The following JPH1 variants were observed in gnomAD, a reference collection of about 807,000 sequenced individuals.
JPH1 encodes junctophilin 1.
A neutral mutation model predicts 53.6 loss-of-function variants in JPH1; 12 were observed. The ratio of observed to expected loss-of-function variants is 0.22; its 90% CI spans 0.14 to 0.36. The LOEUF (loss-of-function observed/expected upper bound fraction) is 0.36, where lower values mean the gene tolerates loss of function less well. Ranked by LOEUF, JPH1 falls within the 10% of genes least tolerant of loss-of-function variation. The probability of loss-of-function intolerance (pLI) is 1.00; values close to 1 mark genes in which losing one functional copy is unlikely to be tolerated. For synonymous variants in JPH1, 375 were observed against 363.8 expected, an observed-to-expected ratio of 1.03 and a Z score of -0.35; for missense variants, 808 against 905.5, an observed-to-expected ratio of 0.89 and a Z score of 1.38.
intron 2 of JPH1, 92 bp from the exon 3 acceptor site, chr8:74,259,595 A>C (rs1806334930): frequency 4.1e-6 from 4 of 969,826 alleles, no homozygotes. Context: ...AAGAAATGTT[A>C]ATTATGATTA....
chr8:74,299,622 C>T (rs1694581829), intron 2 of JPH1, among the ~76,000 whole-genome samples: 1 of 152,032 alleles, frequency 6.6e-6, no homozygotes, highest in Non-Finnish European at 1.5e-5. Flanking sequence ...GCCTGATGTG[C>T]GAATTGTTCT....
chr8:74,290,407 G>C (rs1187602949), intron 2 of JPH1, among the ~76,000 whole-genome samples: 2 of 152,002 alleles, frequency 1.3e-5, no homozygotes, highest in African/African-American at 4.8e-5. Flanking sequence ...AAAATACCTA[G>C]GAATCCAACT....
chr8:74,319,784 C>T (rs994498200), intron 1 of JPH1, among the ~76,000 whole-genome samples: 2 of 152,186 alleles, frequency 1.3e-5, no homozygotes, highest in Admixed American at 1.3e-4. Flanking sequence ...GATGTCGCCT[C>T]CTACAACCCT....
At position 74,267,451 on chromosome 8, in the gene JPH1, T is replaced by G. The variant is rs1170367802; in HGVS notation, c.1140-7948A>C. ...GAGGTAAGTGGGCCAGATCTGAATT[T>G]GCCTTATCTCTGGGGCAGCTGCATG... On this transcript the variant is annotated intron_variant, in intron 2 of 5. Coordinates refer to ENST00000342232, the MANE Select transcript of JPH1 (RefSeq NM_020647.4). Among the ~76,000 whole-genome samples the G allele has an allele frequency of 2.6e-5, 4 of 152,232 alleles. No homozygotes were observed. In the East Asian group the frequency reaches 7.7e-4, roughly 29 times the overall value.
intron 2 of JPH1, among the ~76,000 whole-genome samples, chr8:74,267,798 C>T (rs982671634): frequency 3.9e-5 from 6 of 152,132 alleles, no homozygotes; most frequent in South Asian, 2.1e-4. Context: ...CTGATCCTGT[C>T]GGAAGGTGGG....
chr8:74,245,049 G>C lies in JPH1; in HGVS notation c.1385C>G (p.Pro462Arg). Reference sequence around the variant, plus strand: ...GGGACTTGCCTCAGGAGATCTTGGGGGTGTCGTGCCTTTGCGATAAAAATG... The same window carrying C: ...GGGACTTGCCTCAGGAGATCTTGGGCGTGTCGTGCCTTTGCGATAAAAATG... The part of the protein sequence containing the change: ...SPHFYRKGTT[P>R]PRSPEASPKH... Residue 462 changes from proline to arginine, a missense_variant, in exon 4 of 6, where the codon CCC becomes CGC. Pro to Arg is a moderately radical substitution (Grantham distance 103, BLOSUM62 -2). This residue lies in a region of JPH1 where 756 missense variants were observed against 811.9 expected (regional missense o/e 0.93). Coordinates refer to ENST00000342232, the MANE Select transcript of JPH1 (RefSeq NM_020647.4). The C allele has an allele frequency of 6.2e-7, 1 of 1,613,934 alleles. No homozygotes were observed. Among genetic ancestry groups the C allele is most frequent in the Non-Finnish European group, 8.5e-7 (1 of 1,179,988 alleles).
At chr8:74,267,314 G>A (rs917546211) in intron 2 of JPH1, among the ~76,000 whole-genome samples, 2 of 152,222 alleles carry the variant, frequency 1.3e-5, no homozygotes, top group African/African-American at 4.8e-5. Flanking sequence ...GTGTCCTTGG[G>A]TGAAGGAAAC....
At chr8:74,298,447 G>A (rs1172643266) in intron 2 of JPH1, among the ~76,000 whole-genome samples, 1 of 152,128 alleles carries the variant, frequency 6.6e-6, no homozygotes, top group Non-Finnish European at 1.5e-5. Context: ...TCTACCTTGA[G>A]CACTGTAGCT....
rs1586779383 is a variant in JPH1 at position 74,315,471 on chromosome 8, G to A, written c.529C>T (p.His177Tyr). Reference sequence around the variant, plus strand: ...CTGTCGGCGGCGGCTGCGGCGTCGTGGAGCACGCTGCCATTGCTCTGCTCG... The same window carrying A: ...CTGTCGGCGGCGGCTGCGGCGTCGTAGAGCACGCTGCCATTGCTCTGCTCG... ...RSEQSNGSVL[H>Y]DAAAAADSPA... The change falls in exon 2 of 6, where the codon CAC (histidine) becomes TAC (tyrosine). Residue 177 changes from histidine to tyrosine, a missense_variant. His to Tyr is a moderately conservative substitution (Grantham distance 83). This residue lies in a region of JPH1 where 756 missense variants were observed against 811.9 expected (regional missense o/e 0.93). Transcript: ENST00000342232. This position sits in a 1 kb window ranked among gnomAD's most constrained non-coding sequence, Gnocchi z 6.3. 6.2e-7 allele frequency: 1 copy of A among 1,607,684 alleles called. No homozygotes were observed. The highest frequency in any genetic ancestry group is 2.2e-5 in the East Asian group (1 of 44,734).
chr8:74,288,483 T>C lies in JPH1; in HGVS notation c.1139+26378A>G, dbSNP rs146986757. Among the ~76,000 whole-genome samples, 72 of 152,144 alleles carry C rather than the reference T, an allele frequency of 4.7e-4. 1 individual carries two copies. The highest frequency in any genetic ancestry group is 1.7e-3 in the African/African-American group (70 of 41,488). On this transcript the variant is annotated intron_variant, in intron 2 of 5. Transcript: ENST00000342232. ...AAAATGGGGAAAGTAGAGCCAGACA[T>C]CCAGAAGGACAGAGGATCACAGTCT...
At chr8:74,308,857 A>G (rs1807909621) in intron 2 of JPH1, among the ~76,000 whole-genome samples, 1 of 152,200 alleles carries the variant, frequency 6.6e-6, no homozygotes, top group African/African-American at 2.4e-5. Flanking sequence ...TTCCAACAGA[A>G]AGCAAGCTGG....
intron 2 of JPH1, among the ~76,000 whole-genome samples, chr8:74,302,163 A>G (rs149265787): frequency 0.014 from 2,061 of 152,340 alleles, 28 homozygotes; most frequent in Admixed American, 0.033. Flanking sequence ...CACCCAAATT[A>G]CTGACCTCAG....
At chr8:74,262,396 C>T (rs772835985) in intron 2 of JPH1, among the ~76,000 whole-genome samples, 3 of 152,096 alleles carry the variant, frequency 2.0e-5, no homozygotes, top group Admixed American at 6.6e-5. Flanking sequence ...ATTGTTCTTG[C>T]GTTGGGGGGT....
chr8:74,272,929 A>C lies in JPH1; in HGVS notation c.1140-13426T>G, dbSNP rs149988936. On this transcript the variant is annotated intron_variant, in intron 2 of 5. Transcript: ENST00000342232. The stretch of plus-strand genomic sequence containing the variant: ...GGACCCTTAGTTCTGAGATACTACA[A>C]ATATACCTTCTTGCAAGTTACTTAT... Among the ~76,000 whole-genome samples, 351 of 151,960 alleles carry C rather than the reference A, an allele frequency of 2.3e-3. 6 individuals carry two copies. The Middle Eastern group carries it at 0.031, about 13-fold the overall frequency.
At chr8:74,272,500 A>G (rs1052489994) in intron 2 of JPH1, among the ~76,000 whole-genome samples, 2 of 151,930 alleles carry the variant, frequency 1.3e-5, no homozygotes, top group Non-Finnish European at 2.9e-5. Flanking sequence ...CGCTTTTCCG[A>G]GACGTCATAG....
chr8:74,315,058 A>G lies in JPH1; in HGVS notation c.942T>C (p.His314=). ...YEGEWANNKR[H]GYGCTVFPDG... is the part of the protein sequence containing the mutation. ...CAGGAAACACGGTACAGCCATATCC[A>G]TGCCTCTTGTTATTTGCCCACTCCC... Residue 314 remains histidine (H), a synonymous_variant, in exon 2 of 6, where the codon CAT becomes CAC. Transcript: ENST00000342232. This position sits in a 1 kb window ranked among gnomAD's most constrained non-coding sequence, Gnocchi z 6.3. 1 of 1,614,190 alleles carries G rather than the reference A, an allele frequency of 6.2e-7. No individual in the cohort carries two copies. The highest frequency in any genetic ancestry group is 8.5e-7 in the Non-Finnish European group (1 of 1,180,034).
intron 2 of JPH1, among the ~76,000 whole-genome samples, chr8:74,291,188 C>A (rs1450474551): frequency 1.3e-5 from 2 of 152,146 alleles, no homozygotes; most frequent in Admixed American, 6.5e-5. Flanking sequence ...ATCAGAGTGA[C>A]TAGGCAACCT....
At chr8:74,251,634 T>G (rs1806065993) in intron 3 of JPH1, among the ~76,000 whole-genome samples, 1 of 152,180 alleles carries the variant, frequency 6.6e-6, no homozygotes, top group Admixed American at 6.5e-5. Flanking sequence ...TATTTAAAAT[T>G]TTTTTGATTA....
At chr8:74,305,122 A>C (rs1440106571) in intron 2 of JPH1, among the ~76,000 whole-genome samples, 1 of 152,242 alleles carries the variant, frequency 6.6e-6, no homozygotes, top group Non-Finnish European at 1.5e-5. Flanking sequence ...CTGCTCCTAA[A>C]CACAATGTTC....
Sources: gnomAD v4.1 joint callset for allele counts (sites outside exome capture counted in the v4.1 genomes callset) on GRCh38, gnomAD v4.1.1 for gene constraint, gnomAD v4.1.1 regional missense constraint, Gnocchi (gnomAD v3.1) non-coding constraint, MANE v1.5 for transcripts, NCBI Gene and HGNC (gene_info 2026-07-23, HGNC 2026-07-21) for gene names.